SLC25A13: variants seen among roughly 807,000 people sequenced by gnomAD.
SLC25A13 encodes solute carrier family 25 member 13.
A neutral mutation model predicts 85.5 loss-of-function variants in SLC25A13; 70 were observed. That is an observed-to-expected ratio of 0.82 (90% confidence interval 0.68 to 1.00). The LOEUF is 1.00. SLC25A13 is among the 50% of genes least tolerant of loss of function. The pLI is 0.00. For synonymous variants in SLC25A13, 259 were observed against 288.7 expected (o/e 0.90, Z 1.04); for missense variants, 765 against 819.8 (o/e 0.93, Z 0.82).
intron 1 of SLC25A13, among the ~76,000 whole-genome samples, chr7:96,299,888 A>G (rs1799489578): frequency 6.6e-6 from 1 of 152,228 alleles, no homozygotes; most frequent in Non-Finnish European, 1.5e-5. Flanking sequence ...TAAAACAAGT[A>G]TCTAAACATA....
intron 13 of SLC25A13, among the ~76,000 whole-genome samples, chr7:96,156,654 T>G (rs1458632751): frequency 2.0e-5 from 3 of 152,144 alleles, no homozygotes; most frequent in Non-Finnish European, 4.4e-5. Context: ...GGTTTCACTG[T>G]GTTAGCCACG....
chr7:96,278,445 T>C (rs991316971), intron 2 of SLC25A13, among the ~76,000 whole-genome samples: 3 of 152,238 alleles, frequency 2.0e-5, no homozygotes, highest in African/African-American at 4.8e-5. Context: ...CAATGCAGAC[T>C]AAGGCTTTGC....
chr7:96,201,041 G>C (rs2116689826), intron 5 of SLC25A13, among the ~76,000 whole-genome samples: 1 of 152,216 alleles, frequency 6.6e-6, no homozygotes, highest in South Asian at 2.1e-4. Flanking sequence ...AAGAGTTGAA[G>C]GCAAACAACA....
intron 4 of SLC25A13, among the ~76,000 whole-genome samples, chr7:96,219,267 A>T (rs1453620406): frequency 6.6e-6 from 1 of 152,182 alleles, no homozygotes; most frequent in Non-Finnish European, 1.5e-5. Flanking sequence ...TATTATTATT[A>T]TTCTGAACAT....
intron 3 of SLC25A13, among the ~76,000 whole-genome samples, chr7:96,266,261 T>C (rs901453571): frequency 2.6e-5 from 4 of 152,320 alleles, no homozygotes; most frequent in Non-Finnish European, 2.9e-5. Flanking sequence ...CTGGCTACAC[T>C]TTGAGGTCAG....
intron 3 of SLC25A13, among the ~76,000 whole-genome samples, chr7:96,264,571 A>G (rs1180020802): frequency 6.6e-6 from 1 of 152,234 alleles, no homozygotes; most frequent in Non-Finnish European, 1.5e-5. Context: ...AGGTCCCCAC[A>G]GAGCTTTTAT....
intron 1 of SLC25A13, among the ~76,000 whole-genome samples, chr7:96,298,832 ACT>A (rs779882486): frequency 1.2e-4 from 19 of 152,008 alleles, no homozygotes; most frequent in Non-Finnish European, 2.4e-4. Context: ...AAGATGAATG[ACT>A]CTGCTGCCCT....
chr7:96,180,904 T>C (rs1395074577), intron 11 of SLC25A13, among the ~76,000 whole-genome samples: 1 of 152,218 alleles, frequency 6.6e-6, no homozygotes, highest in Non-Finnish European at 1.5e-5. Flanking sequence ...AGGTAATTCA[T>C]TAAGGATTTC....
chr7:96,172,107 C>T (rs1333013169), intron 11 of SLC25A13, among the ~76,000 whole-genome samples: 1 of 152,148 alleles, frequency 6.6e-6, no homozygotes, highest in Non-Finnish European at 1.5e-5. Context: ...TAAGAAAGTC[C>T]ACTCACAGCC....
At chr7:96,172,637 C>T (rs1794052072) in intron 11 of SLC25A13, among the ~76,000 whole-genome samples, 2 of 152,130 alleles carry the variant, frequency 1.3e-5, no homozygotes, top group Non-Finnish European at 1.5e-5. Context: ...TGACTGACCC[C>T]GGGCCTCTTT....
chr7:96,286,835 T>C (rs1798909580), intron 2 of SLC25A13, among the ~76,000 whole-genome samples: 1 of 152,210 alleles, frequency 6.6e-6, no homozygotes. Context: ...CCCTCTTTCC[T>C]TATCTGGCTC....
intron 4 of SLC25A13, among the ~76,000 whole-genome samples, chr7:96,220,369 T>C (rs1037909576): frequency 6.6e-6 from 1 of 152,210 alleles, no homozygotes; most frequent in African/African-American, 2.4e-5. Context: ...CATATTAGTA[T>C]AAAACTGTTT....
At chr7:96,310,674 AT>A (rs1175097513) in intron 1 of SLC25A13, among the ~76,000 whole-genome samples, 1 of 151,986 alleles carries the variant, frequency 6.6e-6, no homozygotes, top group Non-Finnish European at 1.5e-5. Context: ...GGCAAAGTCA[AT>A]TTTTTTTCCT....
At chr7:96,312,333 T>C (rs1322346829) in intron 1 of SLC25A13, among the ~76,000 whole-genome samples, 1 of 152,230 alleles carries the variant, frequency 6.6e-6, no homozygotes, top group Non-Finnish European at 1.5e-5. Flanking sequence ...GTTATGAAGA[T>C]TGCATTAGTA....
chr7:96,151,576 G>A (rs969264884), intron 13 of SLC25A13, among the ~76,000 whole-genome samples: 14 of 151,438 alleles, frequency 9.2e-5, no homozygotes, highest in East Asian at 7.8e-4. Flanking sequence ...CAGCCTGAGC[G>A]ACAGAGGGAG....
At chr7:96,252,503 G>C (rs944106305) in intron 3 of SLC25A13, among the ~76,000 whole-genome samples, 1 of 152,160 alleles carries the variant, frequency 6.6e-6, no homozygotes, top group African/African-American at 2.4e-5. Flanking sequence ...AAGCAGCAGG[G>C]AGGAGAGGGC....
intron 3 of SLC25A13, among the ~76,000 whole-genome samples, chr7:96,263,246 T>A (rs2116901110): frequency 6.6e-6 from 1 of 152,198 alleles, no homozygotes; most frequent in South Asian, 2.1e-4. Flanking sequence ...ACACCCAGGT[T>A]ACCCTTTACC....
chr7:96,161,394 A>G (rs1031124310), intron 13 of SLC25A13, among the ~76,000 whole-genome samples: 3 of 152,170 alleles, frequency 2.0e-5, no homozygotes, highest in Admixed American at 6.5e-5. Flanking sequence ...GCTGGCCATC[A>G]GTCTCTAAAT....
chr7:96,277,477 T>A (rs1167841600), intron 2 of SLC25A13, 139 bp from the exon 3 acceptor site: 4 of 795,216 alleles, frequency 5.0e-6, no homozygotes, highest in Non-Finnish European at 7.8e-6. Flanking sequence ...ATAATGACCA[T>A]TATCTCCCAA....
Sources: gnomAD v4.1 joint callset for allele counts (sites outside exome capture counted in the v4.1 genomes callset) on GRCh38, gnomAD v4.1.1 for gene constraint, MANE v1.5 for transcripts, NCBI Gene and HGNC (gene_info 2026-07-23, HGNC 2026-07-21) for gene names.